Variants in PCDH7 observed in about 807,000 individuals in gnomAD.
The protein encoded by PCDH7 is protocadherin 7.
PCDH7 carries 17 observed loss-of-function variants against 58.9 expected under a neutral mutation model. The ratio of observed to expected loss-of-function variants is 0.29; its 90% confidence interval spans 0.20 to 0.43. The LOEUF is 0.43. Ranked by LOEUF, PCDH7 falls within the 20% of genes least tolerant of loss-of-function variation. The probability of loss-of-function intolerance (pLI) is 1.00; values close to 1 mark genes in which losing one functional copy is unlikely to be tolerated. For synonymous variants in PCDH7, 664 were observed against 616.4 expected, an observed-to-expected ratio of 1.08 and a Z score of -1.14; for missense variants, 1,274 against 1,441.0, an observed-to-expected ratio of 0.88 and a Z score of 1.88.
intron 3 of PCDH7, among the ~76,000 whole-genome samples, chr4:31,059,838 A>T (rs1757543321): frequency 6.6e-6 from 1 of 151,802 alleles, no homozygotes; most frequent in South Asian, 2.1e-4. Flanking sequence ...TTTACTATAT[A>T]AAGTATTCTT....
chr4:31,114,174 T>C (rs567926978), intron 3 of PCDH7, among the ~76,000 whole-genome samples: 2 of 152,264 alleles, frequency 1.3e-5, no homozygotes, highest in Admixed American at 6.5e-5. Flanking sequence ...AAATGTTTTG[T>C]ATTATTCTAT....
chr4:30,906,068 CGTTAA>C (rs1204618549), intron 1 of PCDH7, among the ~76,000 whole-genome samples: 1 of 152,054 alleles, frequency 6.6e-6, no homozygotes, highest in African/African-American at 2.4e-5. Flanking sequence ...CTGTGCTTTC[CGTTAA>C]GTTAATTAAC....
chr4:30,953,089 A>C (rs1578401058), intron 3 of PCDH7, among the ~76,000 whole-genome samples: 1 of 152,272 alleles, frequency 6.6e-6, no homozygotes, highest in African/African-American at 2.4e-5. Context: ...ATCCCGTCTT[A>C]GATTGTGCAT....
chr4:31,119,934 G>A lies in PCDH7; in HGVS notation c.*8-22539G>A, dbSNP rs539701985. Among the ~76,000 whole-genome samples, 9 of 151,488 alleles carry A rather than the reference G, an allele frequency of 5.9e-5. No individual in the cohort carries two copies. The East Asian group carries it at 1.8e-3, about 30-fold the overall frequency. ...CACAGATCTTATCAGAAAGCTACTG[G>A]TCACCAGTTTCAGGTTTTTTTTTTT... On this transcript the variant is annotated intron_variant, in intron 3 of 3. Transcript: ENST00000509759.
intron 3 of PCDH7, among the ~76,000 whole-genome samples, chr4:30,966,494 A>T (rs1749005681): frequency 6.6e-6 from 1 of 152,156 alleles, no homozygotes; most frequent in Admixed American, 6.5e-5. Context: ...AATAGCTCTT[A>T]AATTGCAGGA....
In PCDH7 at chr4:30,991,529, T is replaced by C. The variant is rs73815142; in HGVS notation, c.*7+41314T>C. ...TGATTTTTTAATATTTTATTTAATC[T>C]TAATTTACATTTAAATAGCCACATT... On this transcript the variant is annotated intron_variant, in intron 3 of 3. Transcript: ENST00000509759. Among the ~76,000 whole-genome samples, 698 of 152,310 alleles carry C rather than the reference T, an allele frequency of 4.6e-3. 6 individuals carry two copies. Among genetic ancestry groups the C allele is most frequent in the African/African-American group, 0.016 (671 of 41,584 alleles).
At chr4:31,139,211 G>A (rs1719969835) in intron 3 of PCDH7, among the ~76,000 whole-genome samples, 1 of 152,092 alleles carries the variant, frequency 6.6e-6, no homozygotes, top group East Asian at 1.9e-4. Context: ...TGCGGGCGTT[G>A]AGAAATACAG....
At chr4:31,009,622 A>G (rs923716449) in intron 3 of PCDH7, among the ~76,000 whole-genome samples, 1 of 151,968 alleles carries the variant, frequency 6.6e-6, no homozygotes, top group Non-Finnish European at 1.5e-5. Context: ...TTTTGTTATC[A>G]GATGTATTTT....
At chr4:30,939,191 G>A (rs1227803265) in intron 2 of PCDH7, among the ~76,000 whole-genome samples, 1 of 152,132 alleles carries the variant, frequency 6.6e-6, no homozygotes, top group Non-Finnish European at 1.5e-5. Context: ...CCTGGGACTG[G>A]TGCTGACAGT....
chr4:30,926,299 C>T (rs946620753), intron 2 of PCDH7, among the ~76,000 whole-genome samples: 4 of 151,938 alleles, frequency 2.6e-5, no homozygotes, highest in Non-Finnish European at 5.9e-5. Context: ...ATTCTGCTGC[C>T]TCAGCCTCCA....
chr4:30,721,220 A>G lies in PCDH7; in HGVS notation c.-203A>G. The G allele has an allele frequency of 1.9e-6, 1 of 540,008 alleles. No homozygotes were observed. Among genetic ancestry groups the G allele is most frequent in the South Asian group, 2.7e-5 (1 of 36,756 alleles). 33.5% of individuals were successfully genotyped at this position (540,008 alleles called of 1,614,324 possible). On this transcript the variant is annotated 5_prime_UTR_variant, in exon 1 of 2. Coordinates refer to ENST00000361762, the Ensembl canonical transcript of PCDH7. The surrounding 1 kb of genome is among the most constrained non-coding windows in gnomAD (Gnocchi z 6.7). ...CTTTCGGAAGAAGCAGGAGGAAAAA[A>G]AGAAGCATCTATCGCTGCCCTCCCA...
At chr4:31,114,846 T>C (rs2109315869) in intron 3 of PCDH7, among the ~76,000 whole-genome samples, 1 of 152,318 alleles carries the variant, frequency 6.6e-6, no homozygotes, top group East Asian at 1.9e-4. Flanking sequence ...AGACTTCTCT[T>C]AAAGCATGAA....
chr4:31,117,098 G>A (rs1039809986), intron 3 of PCDH7, among the ~76,000 whole-genome samples: 14 of 152,144 alleles, frequency 9.2e-5, no homozygotes, highest in African/African-American at 3.4e-4. Flanking sequence ...ATGTTGGTCA[G>A]GCTGAACTCC....
chr4:30,851,991 G>C (rs1227085744), intron 1 of PCDH7, among the ~76,000 whole-genome samples: 1 of 152,008 alleles, frequency 6.6e-6, no homozygotes, highest in East Asian at 1.9e-4. Flanking sequence ...TATAACTTAG[G>C]AAAATAGATT....
At chr4:30,835,136 G>A (rs1343147044) in intron 1 of PCDH7, among the ~76,000 whole-genome samples, 2 of 152,018 alleles carry the variant, frequency 1.3e-5, no homozygotes, top group South Asian at 2.1e-4. Context: ...GCAGTATGAG[G>A]GAAAATTCGT....
In PCDH7 at chr4:30,739,156, T is replaced by TAAAA. The variant is rs1328091925; in HGVS notation, c.70+14561_70+14562insAAAA. 4.1e-3 allele frequency among the ~76,000 whole-genome samples: 595 copies of TAAAA among 146,220 alleles called. 5 individuals are homozygous for TAAAA. Among genetic ancestry groups the TAAAA allele is most frequent in the African/African-American group, 0.014 (551 of 40,078 alleles). ...TATAAAAATATATATATTTTATATA[T>TAAAA]ATATTATATATATATATCTGTGTTC... On this transcript the variant is annotated intron_variant, in intron 1 of 3. Transcript: ENST00000509759.
rs367717070 is a variant in PCDH7 at position 31,079,658 on chromosome 4, G to T, written c.*8-62815G>T. Among the ~76,000 whole-genome samples the T allele has an allele frequency of 2.6e-5, 4 of 151,684 alleles. No homozygotes were observed. In the East Asian group the frequency reaches 5.8e-4, roughly 22 times the overall value. ...TTTTGCAATAGCTGGTAAAGTTCTA[G>T]ATAATCACATCCCATAACACATTAA... On this transcript the variant is annotated intron_variant, in intron 3 of 3. Transcript: ENST00000509759.
intron 1 of PCDH7, among the ~76,000 whole-genome samples, chr4:30,894,126 C>A (rs567645134): frequency 6.6e-6 from 1 of 152,112 alleles, no homozygotes; most frequent in Non-Finnish European, 1.5e-5. Flanking sequence ...GGAATATGAA[C>A]CTTGTATTCT....
At chr4:30,970,970 T>C (rs1290494934) in intron 3 of PCDH7, among the ~76,000 whole-genome samples, 1 of 152,240 alleles carries the variant, frequency 6.6e-6, no homozygotes, top group Non-Finnish European at 1.5e-5. Context: ...TTTTGCAGTT[T>C]AGCAAGTAAA....
Sources: allele counts gnomAD v4.1 joint callset (sites outside exome capture counted in the v4.1 genomes callset), GRCh38; gene constraint gnomAD v4.1.1; non-coding constraint Gnocchi (gnomAD v3.1); transcripts MANE v1.5; gene names NCBI Gene and HGNC (gene_info 2026-07-23, HGNC 2026-07-21).